EPB41L4A: variants seen among roughly 807,000 people sequenced by gnomAD.
EPB41L4A encodes the protein band 4.1-like protein 4A.
In EPB41L4A, 100 loss-of-function variants were observed where a neutral mutation model predicts 108.6. The ratio of observed to expected loss-of-function variants is 0.92; its 90% confidence interval spans 0.78 to 1.09. EPB41L4A has a LOEUF of 1.09. Ranked by LOEUF, EPB41L4A falls within the 50% of genes least tolerant of loss-of-function variation. The probability of loss-of-function intolerance (pLI) is 0.00; values close to 1 mark genes in which losing one functional copy is unlikely to be tolerated. For synonymous variants in EPB41L4A, 319 were observed against 289.0 expected (o/e 1.10, Z -1.05); for missense variants, 1,030 against 842.7 (o/e 1.22, Z -2.75).
chr5:112,183,382 G>GT (rs1409288462), intron 18 of EPB41L4A: 1 of 152,514 alleles, frequency 6.6e-6, no homozygotes, highest in African/African-American at 2.4e-5. Flanking sequence ...GTGAGCCATG[G>GT]TTTGGCAAGT....
intron 1 of EPB41L4A, among the ~76,000 whole-genome samples, chr5:112,349,127 G>A (rs897449885): frequency 2.0e-5 from 3 of 152,184 alleles, no homozygotes; most frequent in South Asian, 2.1e-4. Flanking sequence ...GACACAGAGG[G>A]GACAGTTTCA....
intron 1 of EPB41L4A, among the ~76,000 whole-genome samples, chr5:112,412,724 A>C (rs556410354): frequency 2.6e-5 from 4 of 152,296 alleles, no homozygotes; most frequent in Admixed American, 2.0e-4. Context: ...AATATGCAGG[A>C]GCTTCAGATG....
chr5:112,239,187 C>A (rs1301692757), intron 11 of EPB41L4A, among the ~76,000 whole-genome samples: 1 of 152,192 alleles, frequency 6.6e-6, no homozygotes, highest in East Asian at 1.9e-4. Flanking sequence ...CACTTAGTAA[C>A]TGCTCAATAA....
chr5:112,201,879 G>A (rs183450664), intron 15 of EPB41L4A, among the ~76,000 whole-genome samples: 1 of 152,170 alleles, frequency 6.6e-6, no homozygotes, highest in African/African-American at 2.4e-5. Context: ...GTGTGCCACA[G>A]AGGACAAGCT....
chr5:112,212,617 T>G (rs1298189600), intron 12 of EPB41L4A, among the ~76,000 whole-genome samples: 1 of 152,128 alleles, frequency 6.6e-6, no homozygotes, highest in Non-Finnish European at 1.5e-5. Context: ...TATTTTTAAT[T>G]GTTCTTAATA....
intron 2 of EPB41L4A, among the ~76,000 whole-genome samples, chr5:112,303,771 G>C (rs1299046300): frequency 6.6e-6 from 1 of 152,134 alleles, no homozygotes; most frequent in African/African-American, 2.4e-5. Flanking sequence ...ATATGTTTAG[G>C]AAACAATGGG....
exon 14 of EPB41L4A, chr5:112,142,651 C>T (rs1759109487): frequency 2.0e-5 from 3 of 152,122 alleles, no homozygotes; most frequent in Admixed American, 2.0e-4. Context: ...GATCAATCAG[C>T]AATATTAGAA....
chr5:112,404,998 T>C (rs1240495843), intron 1 of EPB41L4A, among the ~76,000 whole-genome samples: 4 of 152,196 alleles, frequency 2.6e-5, no homozygotes, highest in Admixed American at 2.6e-4. Context: ...GACTATGCAG[T>C]CTGTCTTCCA....
At chr5:112,219,372 G>C (rs35776010) in intron 12 of EPB41L4A, among the ~76,000 whole-genome samples, 10,661 of 152,182 alleles carry the variant, frequency 0.07, 443 homozygotes, top group African/African-American at 0.096. Flanking sequence ...GTGAAGACAT[G>C]CCTTCTGCCA....
At chr5:112,299,114 T>C (rs1738958895) in intron 2 of EPB41L4A, among the ~76,000 whole-genome samples, 1 of 152,218 alleles carries the variant, frequency 6.6e-6, no homozygotes, top group South Asian at 2.1e-4. Context: ...GTTTCATTTA[T>C]CTTTTGCATT....
chr5:112,230,971 G>T (rs1580481614), intron 12 of EPB41L4A, among the ~76,000 whole-genome samples: 1 of 152,062 alleles, frequency 6.6e-6, no homozygotes, highest in African/African-American at 2.4e-5. Flanking sequence ...ACTGAAAGGT[G>T]GTCTCAGCAA....
At chr5:112,246,429 C>G (rs1750227559) in intron 9 of EPB41L4A, among the ~76,000 whole-genome samples, 1 of 152,000 alleles carries the variant, frequency 6.6e-6, no homozygotes, top group South Asian at 2.1e-4. Context: ...TACTGTATAG[C>G]CTAGGTATTG....
Position 112,204,482 on chromosome 5 carries a change from G to C in EPB41L4A, c.1269C>G (p.Leu423=). 1 of 1,608,194 alleles carries C rather than the reference G, an allele frequency of 6.2e-7. No individual in the cohort carries two copies. Among genetic ancestry groups the C allele is most frequent in the Non-Finnish European group, 8.5e-7 (1 of 1,174,762 alleles). Residue 423 remains leucine, a synonymous_variant, in exon 15 of 23, where the codon CTC becomes CTG. Transcript: ENST00000261486. The part of the protein sequence containing the change: ...PWEENGPQSG[L]YNSPSDRTKS... The stretch of plus-strand genomic sequence containing the variant: ...TAGTGCGATCACTGGGAGAATTGTA[G>C]AGTCCACTGGAGAGAAAGAAAAATG...
At chr5:112,280,181 A>T in intron 3 of EPB41L4A, 91 bp downstream of exon 3, 2 of 1,082,196 alleles carry the variant, frequency 1.8e-6, no homozygotes, top group Non-Finnish European at 2.9e-6. Context: ...TTCTTTCTCC[A>T]GTACTAAAGC....
At position 112,209,946 on chromosome 5, in the gene EPB41L4A, T is replaced by G; in HGVS notation, c.1124A>C (p.Glu375Ala). Residue 375 changes from glutamate (E) to alanine (A), a missense_variant, in exon 13 of 23, where the codon GAA becomes GCA. By Grantham distance (107) the Glu-to-Ala change is moderately radical (BLOSUM62 -1). Transcript: ENST00000261486. The stretch of plus-strand genomic sequence containing the variant: ...AATTGTTCCTTCATTTTCTCCATTT[T>G]CCATGTTTGCAGTTATCCTACTGAT... ...NSISRITANM[E>A]NGENEGTIKI... 6.2e-7 allele frequency: 1 copy of G among 1,608,444 alleles called. No homozygotes were observed.
intron 20 of EPB41L4A, 126 bp downstream of exon 20, chr5:112,170,175 T>A (rs998885000): frequency 2.8e-5 from 24 of 869,526 alleles, no homozygotes; most frequent in Non-Finnish European, 4.2e-5. Context: ...TTCGCTACTG[T>A]CACCTAGTTT....
upstream of EPB41L4A, chr5:112,419,542 G>T (rs1438161199): frequency 2.3e-6 from 1 of 427,464 alleles, no homozygotes; most frequent in Admixed American, 2.5e-5. Context: ...GTCCCCCGCG[G>T]GCGCGCACTT....
chr5:112,362,268 C>A (rs540219081), intron 1 of EPB41L4A, among the ~76,000 whole-genome samples: 1 of 143,300 alleles, frequency 7.0e-6, no homozygotes, highest in South Asian at 2.3e-4. Context: ...CCATGCCCAG[C>A]TTAGAGCATT....
At chr5:112,144,558 T>C (rs1232044291) in intron 13 of EPB41L4A, among the ~76,000 whole-genome samples, 2 of 152,192 alleles carry the variant, frequency 1.3e-5, no homozygotes, top group African/African-American at 4.8e-5. Context: ...ATTACAAGTA[T>C]GAGCCACCGC....
Sources: gnomAD v4.1 joint callset for allele counts (sites outside exome capture counted in the v4.1 genomes callset) on GRCh38, gnomAD v4.1.1 for gene constraint, MANE v1.5 for transcripts, NCBI Gene and HGNC (gene_info 2026-07-23, HGNC 2026-07-21) for gene names.